Variants in CLASP2 observed in about 807,000 individuals in gnomAD.
CLASP2 encodes the protein cytoplasmic linker associated protein 2.
In CLASP2, 47 loss-of-function variants were observed where a neutral mutation model predicts 194.4. The ratio of observed to expected loss-of-function variants is 0.24; its 90% CI spans 0.19 to 0.31. The LOEUF is 0.31. Ranked by LOEUF, CLASP2 falls within the 10% of genes least tolerant of loss-of-function variation. The probability of loss-of-function intolerance (pLI) is 1.00; values close to 1 mark genes in which losing one functional copy is unlikely to be tolerated. For missense variants in CLASP2, 1,445 were observed against 1,823.6 expected (o/e 0.79, Z 3.78); for synonymous variants, 619 against 633.5 (o/e 0.98, Z 0.34).
Position 33,560,983 on chromosome 3 carries a change from A to T in CLASP2, c.2767-12T>A. ...AACATGCTGAATACCTACAGTTGAT[A>T]AAGGGGAGAGGTAGGGAGAAAAAAA... On this transcript the variant is annotated splice_polypyrimidine_tract_variant and intron_variant, in intron 27 of 38. Transcript: ENST00000682230. 1 of 1,611,880 alleles carries T rather than the reference A, an allele frequency of 6.2e-7. No homozygotes were observed. Among genetic ancestry groups the T allele is most frequent in the Non-Finnish European group, 8.5e-7 (1 of 1,178,376 alleles).
At position 33,689,943 on chromosome 3, in the gene CLASP2, G is replaced by C. The variant is rs768912476; in HGVS notation, c.275-11C>G. The C allele has an allele frequency of 6.5e-7, 1 of 1,534,930 alleles. No individual in the cohort carries two copies. Among genetic ancestry groups the C allele is most frequent in the Non-Finnish European group, 8.8e-7 (1 of 1,136,192 alleles). ...TTAAAGCTACAATAACTAAAGAAGG[G>C]GAGGGAGTAAAAGAGTAATTACTTA... On this transcript the variant is annotated splice_polypyrimidine_tract_variant and intron_variant, in intron 2 of 38. Coordinates refer to ENST00000682230, the MANE Select transcript of CLASP2 (RefSeq NM_001365631.1).
At chr3:33,591,032 C>T (rs1183437772) in intron 21 of CLASP2, among the ~76,000 whole-genome samples, 2 of 151,556 alleles carry the variant, frequency 1.3e-5, no homozygotes, top group African/African-American at 2.4e-5. Flanking sequence ...AAAAATTAGC[C>T]GGGAGTGGTG....
intron 34 of CLASP2, among the ~76,000 whole-genome samples, chr3:33,523,181 ACAT>A (rs577329028): frequency 5.3e-4 from 80 of 152,344 alleles, no homozygotes; most frequent in African/African-American, 1.8e-3. Flanking sequence ...GATATGTGAG[ACAT>A]CATCAAGTGA....
intron 5 of CLASP2, among the ~76,000 whole-genome samples, chr3:33,685,346 A>AAAAAG (rs2090516198): frequency 6.7e-6 from 1 of 149,522 alleles, no homozygotes; most frequent in Non-Finnish European, 1.5e-5. Flanking sequence ...CCGTCTCAAA[A>AAAAAG]AAAAAAAAAA....
intron 7 of CLASP2, among the ~76,000 whole-genome samples, chr3:33,656,295 A>G (rs1464308680): frequency 1.3e-5 from 2 of 152,238 alleles, no homozygotes; most frequent in Non-Finnish European, 2.9e-5. Context: ...ATATATAAAA[A>G]GCAAGTATAA....
In CLASP2 at chr3:33,517,145, C is replaced by A; in HGVS notation, c.3817G>T (p.Ala1273Ser). ...DLSLDHSDLV[A>S]ELLKELSNHN... is the part of the protein sequence containing the mutation. ...TTAGACAGCTCCTTCAACAACTCTG[C>A]AACTAGGTCAGAATGATCTAGGGAA... Residue 1273 changes from alanine to serine, a missense_variant, in exon 35 of 39, where the codon GCA becomes TCA. Ala to Ser is a moderately conservative substitution (Grantham distance 99). Transcript: ENST00000682230. 1 of 1,612,960 alleles carries A rather than the reference C, an allele frequency of 6.2e-7. No homozygotes were observed. The highest frequency in any genetic ancestry group is 8.5e-7 in the Non-Finnish European group (1 of 1,179,582).
intron 21 of CLASP2, among the ~76,000 whole-genome samples, chr3:33,591,337 G>A (rs557818672): frequency 1.3e-5 from 2 of 152,242 alleles, no homozygotes; most frequent in South Asian, 2.1e-4. Context: ...ATGAGGCCAG[G>A]AATGGTGGCT....
At chr3:33,550,460 C>T (rs2059844360) in intron 30 of CLASP2, among the ~76,000 whole-genome samples, 1 of 148,478 alleles carries the variant, frequency 6.7e-6, no homozygotes, top group South Asian at 2.1e-4. Flanking sequence ...CAGGAAGATG[C>T]TCAAGAGAAA....
At chr3:33,570,705 A>C (rs2063565228) in intron 26 of CLASP2, 22 bp downstream of exon 26, 1 of 1,584,326 alleles carries the variant, frequency 6.3e-7, no homozygotes, top group Admixed American at 1.8e-5. Context: ...AGAAATAAAT[A>C]ATCTTAAATA....
chr3:33,674,894 T>C (rs1248266543), intron 6 of CLASP2, among the ~76,000 whole-genome samples: 3 of 152,112 alleles, frequency 2.0e-5, no homozygotes, highest in African/African-American at 7.2e-5. Context: ...CAGGAAGAAG[T>C]TGAATCTCTG....
chr3:33,686,976 CTTTTTTAAAAATAGAATAA>C, intron 5 of CLASP2, 65 bp downstream of exon 5: 1 of 768,678 alleles, frequency 1.3e-6, no homozygotes, highest in Admixed American at 3.3e-5. Context: ...CCTCTCTCTT[CTTTTTTAAAAATAGAATAA>C]GAGGACTAGA....
chr3:33,655,162 C>A (rs1363287701), intron 7 of CLASP2, among the ~76,000 whole-genome samples: 1 of 152,140 alleles, frequency 6.6e-6, no homozygotes, highest in Non-Finnish European at 1.5e-5. Context: ...TAGCCTACTG[C>A]AGCTTTAAGA....
intron 26 of CLASP2, 168 bp downstream of exon 26, chr3:33,570,559 C>T (rs1198909836): frequency 1.5e-5 from 12 of 791,256 alleles, no homozygotes; most frequent in Admixed American, 2.5e-5. Context: ...AAATAGTTAC[C>T]AGAGATTAAT....
intron 7 of CLASP2, among the ~76,000 whole-genome samples, chr3:33,650,071 C>CT (rs1208543959): frequency 6.6e-6 from 1 of 152,184 alleles, no homozygotes; most frequent in Non-Finnish European, 1.5e-5. Flanking sequence ...AAAAGACCCA[C>CT]TTAAAATCCT....
chr3:33,571,224 A>G (rs1560086868), intron 25 of CLASP2, among the ~76,000 whole-genome samples: 1 of 140,924 alleles, frequency 7.1e-6, no homozygotes. Context: ...CGTGTTAGCC[A>G]GGATGGTCTC....
intron 37 of CLASP2, among the ~76,000 whole-genome samples, chr3:33,509,631 T>G (rs1426404001): frequency 1.3e-5 from 2 of 152,206 alleles, no homozygotes; most frequent in African/African-American, 4.8e-5. Flanking sequence ...ATACTATAGA[T>G]GCATAATGAT....
chr3:33,585,240 T>A (rs1450636857), intron 21 of CLASP2, among the ~76,000 whole-genome samples: 1 of 152,192 alleles, frequency 6.6e-6, no homozygotes, highest in African/African-American at 2.4e-5. Flanking sequence ...TCCAAAGAAA[T>A]CACTTATCTG....
intron 7 of CLASP2, among the ~76,000 whole-genome samples, chr3:33,649,596 A>G (rs995437177): frequency 1.3e-5 from 2 of 152,240 alleles, no homozygotes; most frequent in Non-Finnish European, 2.9e-5. Context: ...AAATACAAGG[A>G]TAAAACCAGT....
At chr3:33,575,881 A>G (rs2064768870) in intron 24 of CLASP2, among the ~76,000 whole-genome samples, 1 of 152,206 alleles carries the variant, frequency 6.6e-6, no homozygotes, top group African/African-American at 2.4e-5. Context: ...ATATTTATAT[A>G]GTTTATCTCC....
Sources: gnomAD v4.1 joint callset for allele counts (sites outside exome capture counted in the v4.1 genomes callset) on GRCh38, gnomAD v4.1.1 for gene constraint, MANE v1.5 for transcripts, NCBI Gene and HGNC (gene_info 2026-07-23, HGNC 2026-07-21) for gene names.